MAP3K21: variants seen among roughly 807,000 people sequenced by gnomAD.
MAP3K21 encodes the protein mitogen-activated protein kinase kinase kinase 21.
A neutral mutation model predicts 86.1 loss-of-function variants in MAP3K21; 63 were observed. That is an observed-to-expected ratio of 0.73 (90% CI 0.60 to 0.90). The LOEUF is 0.90. MAP3K21 is among the 40% of genes least tolerant of loss of function. MAP3K21 has a pLI of 0.00. For synonymous variants in MAP3K21, 558 were observed against 564.8 expected (o/e 0.99, Z 0.17); for missense variants, 1,220 against 1,367.7 (o/e 0.89, Z 1.70).
In MAP3K21 at chr1:233,353,939, T is replaced by C; in HGVS notation, c.1119T>C (p.Phe373=). 1 of 1,606,036 alleles carries C rather than the reference T, an allele frequency of 6.2e-7. No homozygotes were observed. Among genetic ancestry groups the C allele is most frequent in the Non-Finnish European group, 8.5e-7 (1 of 1,176,690 alleles). ...TTCCATCCACCTGCCCTGAGCCGTT[T>C]GCCAAGCTCATGAAAGGTATTGTGT... ...LPIPSTCPEP[F]AKLMKECWQQ... The change falls in exon 3 of 10, where the codon TTT becomes TTC. Residue 373 remains phenylalanine, a synonymous_variant. Transcript: ENST00000366624.
chr1:233,362,450 A>G (rs1050154496), intron 5 of MAP3K21, among the ~76,000 whole-genome samples, 157 bp downstream of exon 5: 1 of 152,198 alleles, frequency 6.6e-6, no homozygotes, highest in African/African-American at 2.4e-5. Flanking sequence ...TCATGGTTCT[A>G]ATGTAATGGC....
intron 2 of MAP3K21, among the ~76,000 whole-genome samples, chr1:233,350,380 A>G (rs551290390): frequency 2.6e-5 from 4 of 152,280 alleles, no homozygotes; most frequent in Admixed American, 2.0e-4. Context: ...ATTTCTGCAT[A>G]TCTCCGGAAC....
intron 4 of MAP3K21, among the ~76,000 whole-genome samples, chr1:233,355,677 T>G (rs1290585762): frequency 6.6e-6 from 1 of 152,154 alleles, no homozygotes; most frequent in Non-Finnish European, 1.5e-5. Flanking sequence ...CCCTCCTTCT[T>G]TCCCTTATTT....
At position 233,382,338 on chromosome 1, in the gene MAP3K21, C is replaced by G; in HGVS notation, c.2738C>G (p.Ser913Cys). ...ACTATTATCTCAGCCACTGGAGCCT[C>G]TGCACTGCCACTCTGCCCCTCACCT... is the stretch of plus-strand genomic sequence containing the variant. ...GATIISATGA[S>C]ALPLCPSPAP... Residue 913 changes from serine (S) to cysteine (C), a missense_variant, in exon 10 of 10, where the codon TCT (serine) becomes TGT (cysteine). Ser to Cys is a moderately radical substitution (Grantham distance 112). Transcript: ENST00000366624. 6.2e-7 allele frequency: 1 copy of G among 1,614,088 alleles called. No individual in the cohort carries two copies. Among genetic ancestry groups the G allele is most frequent in the South Asian group, 1.1e-5 (1 of 91,072 alleles).
chr1:233,330,082 G>C (rs1662783001), intron 1 of MAP3K21, among the ~76,000 whole-genome samples: 1 of 152,206 alleles, frequency 6.6e-6, no homozygotes, highest in African/African-American at 2.4e-5. Context: ...TGCTAGGACA[G>C]GAGCTAGCTC....
chr1:233,341,930 A>G (rs1663045785), intron 1 of MAP3K21, among the ~76,000 whole-genome samples: 1 of 152,176 alleles, frequency 6.6e-6, no homozygotes, highest in African/African-American at 2.4e-5. Flanking sequence ...ATTATTGTTT[A>G]AAGGTGAAAT....
chr1:233,339,594 C>T (rs1163519122), intron 1 of MAP3K21, among the ~76,000 whole-genome samples: 1 of 151,792 alleles, frequency 6.6e-6, no homozygotes, highest in African/African-American at 2.4e-5. Context: ...CATAATCCTA[C>T]CTCAGCCTCC....
chr1:233,356,094 C>T (rs1372554058), intron 4 of MAP3K21, among the ~76,000 whole-genome samples: 2 of 152,150 alleles, frequency 1.3e-5, no homozygotes, highest in Non-Finnish European at 2.9e-5. Context: ...GATCCTGTTT[C>T]CTCCCTAGCT....
intron 5 of MAP3K21, among the ~76,000 whole-genome samples, chr1:233,364,240 G>T (rs898372188): frequency 4.6e-5 from 7 of 151,546 alleles, no homozygotes; most frequent in African/African-American, 1.7e-4. Flanking sequence ...GTCACTGACT[G>T]GTCTGTCTTA....
chr1:233,334,595 G>GTT lies in MAP3K21; in HGVS notation c.805+5768_805+5769dup, dbSNP rs57954282. Among the ~76,000 whole-genome samples the GTT allele has an allele frequency of 6.1e-3, 923 of 151,726 alleles. 21 individuals are homozygous for GTT. In the East Asian group the frequency reaches 0.063, roughly 10 times the overall value. On this transcript the variant is annotated intron_variant, in intron 1 of 9. Coordinates refer to ENST00000366624, the MANE Select transcript of MAP3K21 (RefSeq NM_032435.3). ...AACTAGAATGAAAAGTGGAGAAAGG[G>GTT]TTTTTTTGGGGGGGAAGGAAACAGG...
intron 1 of MAP3K21, among the ~76,000 whole-genome samples, chr1:233,344,615 A>T (rs1663098847): frequency 6.6e-6 from 1 of 152,216 alleles, no homozygotes; most frequent in African/African-American, 2.4e-5. Context: ...TTAGACCTAA[A>T]ACCATAAAAA....
intron 2 of MAP3K21, among the ~76,000 whole-genome samples, chr1:233,347,322 T>C (rs1369158726): frequency 1.3e-5 from 2 of 152,208 alleles, no homozygotes; most frequent in African/African-American, 4.8e-5. Context: ...AAGATTAAAG[T>C]CTCCTATTTG....
intron 6 of MAP3K21, among the ~76,000 whole-genome samples, chr1:233,374,901 T>C (rs1415080571): frequency 6.6e-6 from 1 of 150,942 alleles, no homozygotes; most frequent in Non-Finnish European, 1.5e-5. Context: ...ATTTTTCCCC[T>C]AAGTGTGTAG....
chr1:233,337,136 G>A (rs964920305), intron 1 of MAP3K21, among the ~76,000 whole-genome samples: 1 of 152,158 alleles, frequency 6.6e-6, no homozygotes, highest in Non-Finnish European at 1.5e-5. Flanking sequence ...CCTGTATAGG[G>A]CCGGATAGTA....
Position 233,362,087 on chromosome 1 carries a change from C to T in MAP3K21, c.1346C>T (p.Ala449Val). Reference sequence around the variant, plus strand: ...TCCCGGGAAGAGGAGCTGACTCGGGCGGCTCTGCAGCAGAAGTCTCAGGAG... The same window carrying T: ...TCCCGGGAAGAGGAGCTGACTCGGGTGGCTCTGCAGCAGAAGTCTCAGGAG... Reference protein sequence around the residue: ...LRSREEELTRAALQQKSQEEL... With the variant: ...LRSREEELTRVALQQKSQEEL... Residue 449 changes from alanine to valine, a missense_variant, in exon 5 of 10, where the codon GCG becomes GTG. Physicochemically the swap from Ala to Val is moderately conservative, Grantham distance 64 (BLOSUM62 0). Around this residue, in one of 5 missense-constraint regions of MAP3K21, gnomAD observed 126 missense variants for 127.7 expected, o/e 0.99. Coordinates refer to ENST00000366624, the MANE Select transcript of MAP3K21 (RefSeq NM_032435.3). The T allele has an allele frequency of 6.2e-7, 1 of 1,612,758 alleles. No individual in the cohort carries two copies. The highest frequency in any genetic ancestry group is 8.5e-7 in the Non-Finnish European group (1 of 1,179,438).
At chr1:233,348,701 G>A (rs940024677) in intron 2 of MAP3K21, among the ~76,000 whole-genome samples, 11 of 152,084 alleles carry the variant, frequency 7.2e-5, no homozygotes, top group South Asian at 6.2e-4. Context: ...TAGGTGTAAA[G>A]TGGTATCTCA....
chr1:233,349,187 C>T (rs1396925459), intron 2 of MAP3K21, among the ~76,000 whole-genome samples: 1 of 151,950 alleles, frequency 6.6e-6, no homozygotes, highest in South Asian at 2.1e-4. Flanking sequence ...TTTTATAAAC[C>T]GTTAAATGTG....
chr1:233,379,113 G>C lies in MAP3K21; in HGVS notation c.2107G>C (p.Glu703Gln), dbSNP rs1159078115. ...TGCGAATGCTGCCACAGTCTCCATT[G>C]AGATGACTCCTACGAATAGTCTGAG... ...ASANAATVSI[E>Q]MTPTNSLSRS... is the part of the protein sequence containing the mutation. Residue 703 changes from glutamate to glutamine, a missense_variant, in exon 9 of 10, where the codon GAG (glutamate) becomes CAG (glutamine). This residue lies in a region of MAP3K21 where 632 missense variants were observed against 691.3 expected (regional missense o/e 0.91). Transcript: ENST00000366624. 1 of 1,614,086 alleles carries C rather than the reference G, an allele frequency of 6.2e-7. No homozygotes were observed. The highest frequency in any genetic ancestry group is 8.5e-7 in the Non-Finnish European group (1 of 1,179,934).
chr1:233,376,803 A>G (rs1663806077), intron 8 of MAP3K21, among the ~76,000 whole-genome samples: 1 of 152,222 alleles, frequency 6.6e-6, no homozygotes, highest in Non-Finnish European at 1.5e-5. Flanking sequence ...AACCAAATCA[A>G]TTTAGTATGG....
Sources: allele counts gnomAD v4.1 joint callset (sites outside exome capture counted in the v4.1 genomes callset), GRCh38; gene constraint gnomAD v4.1.1; regional missense constraint gnomAD v4.1.1; transcripts MANE v1.5; gene names NCBI Gene and HGNC (gene_info 2026-07-23, HGNC 2026-07-21).